Variants in EXOC4 observed in about 807,000 individuals in gnomAD.
The protein encoded by EXOC4 is exocyst complex component 4.
EXOC4 carries 71 observed loss-of-function variants against 107.2 expected under a neutral mutation model. The ratio of observed to expected loss-of-function variants is 0.66; its 90% CI spans 0.55 to 0.81. The LOEUF (loss-of-function observed/expected upper bound fraction) is 0.81. Ranked by LOEUF, EXOC4 falls within the 30% of genes least tolerant of loss-of-function variation. EXOC4 has a pLI of 0.00. For synonymous variants in EXOC4, 456 were observed against 441.2 expected (o/e 1.03, Z -0.42); for missense variants, 1,108 against 1,189.6 (o/e 0.93, Z 1.01).
intron 2 of EXOC4, among the ~76,000 whole-genome samples, chr7:133,285,610 CT>C (rs1794256918): frequency 6.6e-6 from 1 of 152,026 alleles, no homozygotes; most frequent in Admixed American, 6.6e-5. Flanking sequence ...ATGATTGTCT[CT>C]TTATCCCTTG....
chr7:133,376,870 A>G lies in EXOC4; in HGVS notation c.1182+1868A>G, dbSNP rs552503585. 1.6e-4 allele frequency among the ~76,000 whole-genome samples: 25 copies of G among 152,318 alleles called. No homozygotes were observed. The South Asian group carries it at 5.0e-3, about 30-fold the overall frequency. ...AAGCCCCAAACCAAGCCTCTATTTT[A>G]TCATCTTGATCCACCTGTAAATTTA... On this transcript the variant is annotated intron_variant, in intron 7 of 17. Transcript: ENST00000253861.
chr7:133,969,922 G>A (rs545391892), intron 14 of EXOC4, among the ~76,000 whole-genome samples: 1 of 152,352 alleles, frequency 6.6e-6, no homozygotes, highest in South Asian at 2.1e-4. Flanking sequence ...ATTTAAGTCT[G>A]CTGAACTTAC....
chr7:133,840,061 C>T (rs1045851366), intron 11 of EXOC4, among the ~76,000 whole-genome samples: 4 of 152,176 alleles, frequency 2.6e-5, no homozygotes, highest in Middle Eastern at 3.4e-3. Context: ...TAAAAAGATT[C>T]CATAAAGAAG....
intron 10 of EXOC4, among the ~76,000 whole-genome samples, chr7:133,701,873 G>T (rs1794662932): frequency 7.2e-5 from 11 of 151,938 alleles, no homozygotes; most frequent in Admixed American, 7.2e-4. Context: ...CAAAGTTTGT[G>T]TGCATTAAAG....
At chr7:133,852,398 A>G (rs1050134898) in intron 11 of EXOC4, among the ~76,000 whole-genome samples, 2 of 152,082 alleles carry the variant, frequency 1.3e-5, no homozygotes, top group African/African-American at 2.4e-5. Flanking sequence ...ATAGTCTGTT[A>G]CAAGTATCCC....
At chr7:133,366,013 A>G (rs12537119) in intron 6 of EXOC4, among the ~76,000 whole-genome samples, 35,576 of 152,124 alleles carry the variant, frequency 0.23, 4,274 homozygotes, top group South Asian at 0.31. Flanking sequence ...CAGACAAGTA[A>G]TAGAACAGAA....
chr7:134,043,042 A>G (rs917611675), intron 17 of EXOC4, among the ~76,000 whole-genome samples: 2 of 152,304 alleles, frequency 1.3e-5, no homozygotes, highest in South Asian at 4.1e-4. Context: ...CTCCGTCTCA[A>G]TCAGTCAATC....
At chr7:134,096,469 G>C in the EXOC4 span, among the ~76,000 whole-genome samples, 1 of 152,076 alleles carries the variant, frequency 6.6e-6, no homozygotes, top group Non-Finnish European at 1.5e-5. Context: ...ATATATGAAG[G>C]GGAGTTTATT....
At chr7:133,541,527 T>A (rs1800379645) in intron 9 of EXOC4, among the ~76,000 whole-genome samples, 1 of 152,160 alleles carries the variant, frequency 6.6e-6, no homozygotes, top group Non-Finnish European at 1.5e-5. Context: ...TGAGAGAGCA[T>A]CTCACTTTGT....
At chr7:133,875,637 T>A (rs1391847633) in intron 11 of EXOC4, among the ~76,000 whole-genome samples, 1 of 152,202 alleles carries the variant, frequency 6.6e-6, no homozygotes, top group Non-Finnish European at 1.5e-5. Flanking sequence ...GACACCATCC[T>A]ATCCACTTGC....
At chr7:133,381,508 T>G (rs946386186) in intron 7 of EXOC4, among the ~76,000 whole-genome samples, 2 of 152,256 alleles carry the variant, frequency 1.3e-5, no homozygotes, top group East Asian at 3.9e-4. Context: ...AGATAGTATT[T>G]GCAAGTGGCA....
intron 10 of EXOC4, 47 bp downstream of exon 10, chr7:133,630,188 T>G: frequency 7.1e-7 from 1 of 1,405,270 alleles, no homozygotes; most frequent in Non-Finnish European, 1.0e-6. Context: ...ATATTTTCAT[T>G]ATTTATGCTG....
At chr7:134,098,263 T>C in the EXOC4 span, among the ~76,000 whole-genome samples, 1 of 152,128 alleles carries the variant, frequency 6.6e-6, no homozygotes, top group African/African-American at 2.4e-5. Flanking sequence ...TAGATCTACA[T>C]AATTATGACT....
At chr7:133,795,670 C>T (rs1374994656) in intron 10 of EXOC4, among the ~76,000 whole-genome samples, 1 of 152,178 alleles carries the variant, frequency 6.6e-6, no homozygotes, top group Non-Finnish European at 1.5e-5. Context: ...AGGTTCTAAC[C>T]CATGAAAAAG....
chr7:133,502,034 A>G (rs1799585212), intron 9 of EXOC4, among the ~76,000 whole-genome samples: 1 of 152,158 alleles, frequency 6.6e-6, no homozygotes, highest in Admixed American at 6.5e-5. Flanking sequence ...TTTGATTAGC[A>G]ATGGAGCAGG....
At chr7:133,486,529 A>G (rs1176830361) in intron 9 of EXOC4, among the ~76,000 whole-genome samples, 2 of 152,210 alleles carry the variant, frequency 1.3e-5, no homozygotes, top group Non-Finnish European at 2.9e-5. Context: ...TCAAAACTTT[A>G]TACCCTGAAG....
intron 9 of EXOC4, among the ~76,000 whole-genome samples, chr7:133,548,032 TA>T (rs34218226): frequency 0.36 from 55,452 of 151,944 alleles, 11,107 homozygotes; most frequent in African/African-American, 0.54. Flanking sequence ...ATGTGTTTTT[TA>T]AAATAATAGG....
intron 9 of EXOC4, among the ~76,000 whole-genome samples, chr7:133,520,154 A>G (rs1799953538): frequency 6.6e-6 from 1 of 152,246 alleles, no homozygotes; most frequent in Admixed American, 6.5e-5. Context: ...TTAAAAGCCA[A>G]AAAATTTAAT....
intron 9 of EXOC4, among the ~76,000 whole-genome samples, chr7:133,562,992 G>T (rs1475343154): frequency 6.6e-6 from 1 of 152,102 alleles, no homozygotes; most frequent in Non-Finnish European, 1.5e-5. Context: ...ACGAAAGGAG[G>T]ATGAAATCAT....
Sources: allele counts gnomAD v4.1 joint callset (sites outside exome capture counted in the v4.1 genomes callset), GRCh38; gene constraint gnomAD v4.1.1; transcripts MANE v1.5; gene names NCBI Gene and HGNC (gene_info 2026-07-23, HGNC 2026-07-21).